Variants in DPH7 observed in about 807,000 individuals in gnomAD.
DPH7 encodes diphthine methyltransferase.
In DPH7, 44 loss-of-function variants were observed where a neutral mutation model predicts 41.7. That is an observed-to-expected ratio of 1.05 (90% CI 0.83 to 1.36). DPH7 has a LOEUF of 1.36. DPH7 is among the 40% of genes most tolerant of loss of function. The pLI is 0.00. For missense variants in DPH7, 629 were observed against 577.5 expected (o/e 1.09, Z -0.91); for synonymous variants, 275 against 238.0 (o/e 1.16, Z -1.43).
Position 137,556,598 on chromosome 9 carries a change from C to A in DPH7, c.950-950G>T. On this transcript the variant is annotated intron_variant, in intron 8 of 8. Coordinates refer to ENST00000277540, the MANE Select transcript of DPH7 (RefSeq NM_138778.5). The surrounding 1 kb of genome is among the most constrained non-coding windows in gnomAD (Gnocchi z 5.2). ...CCCTGGGCCCAGGGCTTCAACTGGG[C>A]AGAGGTGGCTCCGAGGAGGAGTGAG... The A allele has an allele frequency of 2.9e-6, 1 of 341,256 alleles. No individual in the cohort carries two copies. The highest frequency in any genetic ancestry group is 2.2e-5 in the African/African-American group (1 of 46,098). 21.1% of individuals were successfully genotyped at this position (341,256 alleles called of 1,614,324 possible).
chr9:137,570,182 G>C (rs1420070828), intron 5 of DPH7, among the ~76,000 whole-genome samples: 2 of 149,352 alleles, frequency 1.3e-5, no homozygotes, highest in Non-Finnish European at 3.0e-5. Context: ...ACACACTATG[G>C]ACCCTCATAA....
intron 5 of DPH7, among the ~76,000 whole-genome samples, chr9:137,572,954 C>T (rs1007189368): frequency 2.0e-5 from 3 of 152,194 alleles, no homozygotes; most frequent in Non-Finnish European, 2.9e-5. Flanking sequence ...GATCTGACAC[C>T]GAGCATATCA....
chr9:137,561,467 CG>C (rs1238889016), intron 8 of DPH7, among the ~76,000 whole-genome samples: 8 of 143,100 alleles, frequency 5.6e-5, no homozygotes, highest in Non-Finnish European at 1.2e-4. Context: ...GGCGTGAACC[CG>C]GAAGGTGGAG....
intron 5 of DPH7, 38 bp from the exon 6 acceptor site, chr9:137,565,192 CA>C: frequency 3.1e-6 from 5 of 1,607,562 alleles, no homozygotes; most frequent in Non-Finnish European, 4.3e-6. Context: ...CCACTAATGA[CA>C]GGAAATGAGT....
rs1323834203 is a variant in DPH7 at position 137,556,680 on chromosome 9, C to G, written c.950-1032G>C. 2.7e-6 allele frequency: 1 copy of G among 369,990 alleles called. No individual in the cohort carries two copies. Among genetic ancestry groups the G allele is most frequent in the East Asian group, 7.7e-5 (1 of 13,048 alleles). The allele number at this position is 369,990 out of a possible 1,614,324, so 22.9% of individuals were successfully genotyped here. On this transcript the variant is annotated intron_variant, in intron 8 of 8. Transcript: ENST00000277540. This position sits in a 1 kb window ranked among gnomAD's most constrained non-coding sequence, Gnocchi z 5.2. ...CCTCGAGCAGCATGTGTGGGGCGAC[C>G]CTCGGGAGGAAGCCCCTGGGGAGGC...
intron 3 of DPH7, 196 bp from the exon 4 acceptor site, chr9:137,575,039 A>G (rs1841137800): frequency 7.2e-7 from 1 of 1,387,882 alleles, no homozygotes; most frequent in Admixed American, 3.1e-5. Flanking sequence ...GGGACACTGG[A>G]GCTCACACTC....
intron 8 of DPH7, chr9:137,557,003 C>G: frequency 2.3e-6 from 1 of 427,242 alleles, no homozygotes; most frequent in Non-Finnish European, 4.7e-6. Flanking sequence ...GTCGCATAGG[C>G]TGGAGTGCAC....
intron 5 of DPH7, among the ~76,000 whole-genome samples, chr9:137,570,142 C>T (rs1222543390): frequency 6.6e-6 from 1 of 151,944 alleles, no homozygotes; most frequent in African/African-American, 2.4e-5. Flanking sequence ...CCCACCCACC[C>T]ACCACCCATC....
Position 137,578,921 on chromosome 9 carries a change from C to T in DPH7, c.-144G>A. The T allele has an allele frequency of 1.1e-6, 1 of 894,770 alleles. No homozygotes were observed. Among genetic ancestry groups the T allele is most frequent in the Non-Finnish European group, 1.5e-6 (1 of 673,470 alleles). 55.4% of individuals were successfully genotyped at this position (894,770 alleles called of 1,614,324 possible). A position where few individuals can be genotyped will look rare whatever the true frequency, so the allele number is the denominator to read the frequency against. On this transcript the variant is annotated 5_prime_UTR_variant, in exon 1 of 9. Transcript: ENST00000277540. Reference sequence around the variant, plus strand: ...CCGTCAGCGCGGGCCGCCTCTCTCGCGACTCCTTCCGGGGTGCCGGGGCGG... The same window carrying T: ...CCGTCAGCGCGGGCCGCCTCTCTCGTGACTCCTTCCGGGGTGCCGGGGCGG...
chr9:137,559,206 T>C (rs1043746197), intron 8 of DPH7, among the ~76,000 whole-genome samples: 2 of 152,052 alleles, frequency 1.3e-5, no homozygotes, highest in Non-Finnish European at 2.9e-5. Context: ...CATACAGAGA[T>C]AGGAGCTGAG....
chr9:137,561,542 C>CAAAAAAAA (rs557915176), intron 8 of DPH7, among the ~76,000 whole-genome samples: 2 of 52,246 alleles, frequency 3.8e-5, no homozygotes, highest in African/African-American at 7.6e-5. Flanking sequence ...GACTCCATCT[C>CAAAAAAAA]AAAAAAAAAA....
intron 8 of DPH7, among the ~76,000 whole-genome samples, chr9:137,561,547 A>AAAAG (rs1450510635): frequency 6.6e-6 from 1 of 150,806 alleles, no homozygotes; most frequent in African/African-American, 2.4e-5. Flanking sequence ...CATCTCAAAA[A>AAAAG]AAAAAAAAAA....
At position 137,556,786 on chromosome 9, in the gene DPH7, C is replaced by T. The variant is rs2132779682; in HGVS notation, c.950-1138G>A. The T allele has an allele frequency of 2.2e-6, 1 of 456,160 alleles. No individual in the cohort carries two copies. The highest frequency in any genetic ancestry group is 4.4e-6 in the Non-Finnish European group (1 of 226,772). The allele number at this position is 456,160 out of a possible 1,614,324, so 28.3% of individuals were successfully genotyped here. A position where few individuals can be genotyped will look rare whatever the true frequency, so the allele number is the denominator to read the frequency against. On this transcript the variant is annotated intron_variant, in intron 8 of 8. Transcript: ENST00000277540. This position sits in a 1 kb window ranked among gnomAD's most constrained non-coding sequence, Gnocchi z 5.2. ...TTCATCCAGCAATCGCTCAACACGT[C>T]CACTCGGGCCAGCAGGACCTCTTCT...
chr9:137,555,623 C>T lies in DPH7; in HGVS notation c.975G>A (p.Leu325=). 1 of 1,606,714 alleles carries T rather than the reference C, an allele frequency of 6.2e-7. No individual in the cohort carries two copies. Among genetic ancestry groups the T allele is most frequent in the Non-Finnish European group, 8.5e-7 (1 of 1,175,186 alleles). ...GCGAGTCGGGCAATGTGTGAGATGTCAGGACCGTCGCCTCCTGCCTCTCCT... is the reference window on the plus strand; with the variant it reads ...GCGAGTCGGGCAATGTGTGAGATGTTAGGACCGTCGCCTCCTGCCTCTCCT... ...AMEERQEATV[L]TSHTLPDSLV... is the part of the protein sequence containing the mutation. Residue 325 remains leucine (L), a synonymous_variant, in exon 9 of 9, where the codon CTG becomes CTA. Transcript: ENST00000277540.
intron 3 of DPH7, 142 bp from the exon 4 acceptor site, chr9:137,574,985 C>T: frequency 4.8e-6 from 7 of 1,451,618 alleles, no homozygotes; most frequent in Non-Finnish European, 6.4e-6. Context: ...AGTCACACCT[C>T]CACCTAACAC....
intron 8 of DPH7, among the ~76,000 whole-genome samples, chr9:137,558,562 G>T (rs953527071): frequency 2.8e-4 from 42 of 152,282 alleles, no homozygotes; most frequent in African/African-American, 9.1e-4. Flanking sequence ...GCTATGTAAA[G>T]AAGCCGGATA....
chr9:137,578,043 G>C, intron 1 of DPH7: 1 of 980,754 alleles, frequency 1.0e-6, no homozygotes. Context: ...GTTGGCCGGG[G>C]GCGGTGGCTC....
intron 8 of DPH7, among the ~76,000 whole-genome samples, chr9:137,561,614 G>T (rs1395935947): frequency 6.8e-6 from 1 of 147,896 alleles, no homozygotes; most frequent in East Asian, 2.0e-4. Context: ...AACTGAAAGA[G>T]AATGAAAACG....
intron 8 of DPH7, among the ~76,000 whole-genome samples, chr9:137,561,274 T>G (rs1039927052): frequency 2.6e-5 from 4 of 152,114 alleles, no homozygotes; most frequent in Non-Finnish European, 5.9e-5. Flanking sequence ...TGTGGCATCA[T>G]AGGCCCTTGA....
Sources: gnomAD v4.1 joint callset for allele counts (sites outside exome capture counted in the v4.1 genomes callset) on GRCh38, gnomAD v4.1.1 for gene constraint, Gnocchi (gnomAD v3.1) non-coding constraint, MANE v1.5 for transcripts, NCBI Gene and HGNC (gene_info 2026-07-23, HGNC 2026-07-21) for gene names.